Variants in ITGBL1 observed in about 807,000 individuals in gnomAD.
ITGBL1 encodes the protein integrin subunit beta like 1.
Under a neutral mutation model 68.5 loss-of-function variants are expected in ITGBL1, and 51 were observed. The ratio of observed to expected loss-of-function variants is 0.74; its 90% CI spans 0.59 to 0.94. The LOEUF is 0.94. Among genes scored for constraint, ITGBL1 ranks in the 40% least tolerant of loss-of-function variants. The probability of loss-of-function intolerance (pLI) is 0.00; values close to 1 mark genes in which losing one functional copy is unlikely to be tolerated. For missense variants in ITGBL1, 649 were observed against 647.4 expected (o/e 1.00, Z -0.03); for synonymous variants, 209 against 227.3 (o/e 0.92, Z 0.72).
chr13:101,695,469 A>G (rs566198339), intron 8 of ITGBL1, among the ~76,000 whole-genome samples: 1 of 152,366 alleles, frequency 6.6e-6, no homozygotes, highest in Non-Finnish European at 1.5e-5. Context: ...GGTGACAGGA[A>G]ACCAAAGGAA....
intron 6 of ITGBL1, among the ~76,000 whole-genome samples, chr13:101,592,659 T>G (rs1405663273): frequency 6.6e-6 from 1 of 151,998 alleles, no homozygotes; most frequent in Non-Finnish European, 1.5e-5. Context: ...ACAAAAGTGC[T>G]AAGAACACAC....
At chr13:101,681,093 T>G (rs1368830414) in intron 7 of ITGBL1, among the ~76,000 whole-genome samples, 1 of 152,326 alleles carries the variant, frequency 6.6e-6, no homozygotes, top group African/African-American at 2.4e-5. Flanking sequence ...CCACAGTTGA[T>G]AGTCAAAATG....
chr13:101,657,651 CTGG>C (rs1417862577), intron 7 of ITGBL1, among the ~76,000 whole-genome samples: 1 of 152,154 alleles, frequency 6.6e-6, no homozygotes, highest in African/African-American at 2.4e-5. Flanking sequence ...CTTGTTGAAA[CTGG>C]ACTTCATATT....
rs2048215855 is a variant in ITGBL1, at chr13:101,454,613, G to A, written c.316+513G>A. Among the ~76,000 whole-genome samples the A allele has an allele frequency of 2.0e-5, 3 of 152,170 alleles. No individual in the cohort carries two copies. In the East Asian group the frequency reaches 5.8e-4, roughly 29 times the overall value. Reference sequence around the variant, plus strand: ...GGGTTCTCCTATCCCTATCAAGAATGTTAATGATAATATTTGTAGATCTTA... The same window carrying A: ...GGGTTCTCCTATCCCTATCAAGAATATTAATGATAATATTTGTAGATCTTA... On this transcript the variant is annotated intron_variant, in intron 2 of 10. Transcript: ENST00000376180.
At chr13:101,614,218 A>C (rs561844840) in intron 7 of ITGBL1, among the ~76,000 whole-genome samples, 1 of 152,364 alleles carries the variant, frequency 6.6e-6, no homozygotes, top group Non-Finnish European at 1.5e-5. Context: ...CAAAGAGTCC[A>C]GAAAAGGGGC....
At chr13:101,652,230 C>T (rs2139455947) in intron 7 of ITGBL1, among the ~76,000 whole-genome samples, 1 of 152,258 alleles carries the variant, frequency 6.6e-6, no homozygotes, top group Non-Finnish European at 1.5e-5. Context: ...CAGCCTCAAA[C>T]TCATGGACTC....
intron 2 of ITGBL1, among the ~76,000 whole-genome samples, chr13:101,567,291 T>C (rs1469221609): frequency 1.3e-5 from 2 of 152,152 alleles, no homozygotes; most frequent in Non-Finnish European, 2.9e-5. Context: ...TAGAGTTTCA[T>C]GTAAGAGTCT....
chr13:101,558,014 G>A (rs968554340), intron 2 of ITGBL1, among the ~76,000 whole-genome samples: 55 of 140,068 alleles, frequency 3.9e-4, no homozygotes, highest in African/African-American at 1.4e-3. Flanking sequence ...GCTTGAATTC[G>A]GGAGGCGGAG....
At chr13:101,489,856 A>G in intron 2 of ITGBL1, 3 of 700,466 alleles carry the variant, frequency 4.3e-6, no homozygotes, top group Admixed American at 2.5e-5. Context: ...TGTCTGACTC[A>G]TTGGTGAAAA....
At position 101,575,376 on chromosome 13, in the gene ITGBL1, A is replaced by C. The variant is rs760896795; in HGVS notation, c.464-48A>C. On this transcript the variant is annotated intron_variant, in intron 3 of 10. Coordinates refer to ENST00000376180, the MANE Select transcript of ITGBL1 (RefSeq NM_004791.3). ...GATGGTATAAAAATTCATTAATTAT[A>C]ATTTTATGTGCATGTAACAAACAGT... The C allele has an allele frequency of 3.9e-6, 6 of 1,558,358 alleles. No homozygotes were observed. In the South Asian group the frequency reaches 5.8e-5, roughly 15 times the overall value.
At chr13:101,612,976 G>A (rs952696468) in intron 7 of ITGBL1, among the ~76,000 whole-genome samples, 4 of 152,148 alleles carry the variant, frequency 2.6e-5, no homozygotes, top group South Asian at 2.1e-4. Flanking sequence ...AGGGGGCAGG[G>A]ATGGAAGAGA....
chr13:101,623,343 T>C (rs571138474), intron 7 of ITGBL1, among the ~76,000 whole-genome samples: 102 of 152,292 alleles, frequency 6.7e-4, no homozygotes, highest in African/African-American at 2.3e-3. Context: ...CTATCTACAC[T>C]TTTCTCTAAA....
intron 3 of ITGBL1, among the ~76,000 whole-genome samples, chr13:101,569,059 CACACACACA>C (rs1566735889): frequency 6.7e-5 from 10 of 149,524 alleles, no homozygotes; most frequent in African/African-American, 2.0e-4. Context: ...CACACACACA[CACACACACA>C]CACTTCTCTA....
intron 7 of ITGBL1, 142 bp downstream of exon 7, chr13:101,598,441 T>A: frequency 1.6e-6 from 1 of 640,710 alleles, no homozygotes; most frequent in East Asian, 3.3e-5. Flanking sequence ...TTATTTTATT[T>A]TTTATTATTA....
At chr13:101,583,415 A>G in intron 6 of ITGBL1, 59 bp downstream of exon 6, 1 of 116,658 alleles carries the variant, frequency 8.6e-6, no homozygotes, top group Non-Finnish European at 1.5e-5. Context: ...GTTAATGGGT[A>G]AAAAAAAAAA....
chr13:101,643,514 G>C (rs2032458878), intron 7 of ITGBL1, among the ~76,000 whole-genome samples: 1 of 152,244 alleles, frequency 6.6e-6, no homozygotes, highest in East Asian at 1.9e-4. Flanking sequence ...CTGCAAACAG[G>C]GACAAAGAGG....
At chr13:101,532,485 C>T (rs2049501510) in intron 2 of ITGBL1, among the ~76,000 whole-genome samples, 1 of 152,138 alleles carries the variant, frequency 6.6e-6, no homozygotes, top group African/African-American at 2.4e-5. Flanking sequence ...AATCTTTCTT[C>T]CTAGAATGTA....
In ITGBL1 at chr13:101,583,321, C is replaced by G; in HGVS notation, c.833C>G (p.Ala278Gly). The G allele has an allele frequency of 6.2e-7, 1 of 1,603,752 alleles. No individual in the cohort carries two copies. The highest frequency in any genetic ancestry group is 8.5e-7 in the Non-Finnish European group (1 of 1,175,846). Residue 278 changes from alanine (A) to glycine (G), a missense_variant, in exon 6 of 11, where the codon GCT becomes GGT. Physicochemically the swap from Ala to Gly is moderately conservative, Grantham distance 60 (BLOSUM62 0). Coordinates refer to ENST00000376180, the MANE Select transcript of ITGBL1 (RefSeq NM_004791.3). ...TCECDERDCRAVYDRYSDDFC... is the reference protein window; with the variant it reads ...TCECDERDCRGVYDRYSDDFC... ...GAATGTGATGAGAGGGACTGTAGAG[C>G]TGTCTATGACCGATATTCTGATGAC...
chr13:101,693,967 G>A lies in ITGBL1; in HGVS notation c.1132+1266G>A, dbSNP rs1315111067. On this transcript the variant is annotated intron_variant, in intron 8 of 10. Transcript: ENST00000376180. ...CGTAAAACATCTGCTGTGCTGGGCA[G>A]TTTATCTTATGCCATTGTCATGGCA... is the stretch of plus-strand genomic sequence containing the variant. Among the ~76,000 whole-genome samples the A allele has an allele frequency of 5.9e-5, 9 of 152,152 alleles. No homozygotes were observed. The East Asian group carries it at 1.7e-3, about 29-fold the overall frequency.
Sources: gnomAD v4.1 joint callset for allele counts (sites outside exome capture counted in the v4.1 genomes callset) on GRCh38, gnomAD v4.1.1 for gene constraint, MANE v1.5 for transcripts, NCBI Gene and HGNC (gene_info 2026-07-23, HGNC 2026-07-21) for gene names.